Variants in HAPSTR2 observed in about 807,000 individuals in gnomAD.
The protein encoded by HAPSTR2 is HUWE1 associated protein modifying stress responses 2.
chrX:140,092,758 A>G, the HAPSTR2 span, among the ~76,000 whole-genome samples: 1 of 111,851 alleles, frequency 8.9e-6, no homozygotes, highest in Non-Finnish European at 1.9e-5. Flanking sequence ...TCCAAAAAAT[A>G]TAATCCTAGC....
At chrX:140,091,699 C>A in the HAPSTR2 span, 22 of 718,597 alleles carry the variant, frequency 3.1e-5, no homozygotes, top group East Asian at 1.3e-3. Context: ...GCGGCGGCGG[C>A]GGAGGAGGAG....
At chrX:140,092,598 T>G in the HAPSTR2 span, 2 of 747,606 alleles carry the variant, frequency 2.7e-6, no homozygotes, top group Admixed American at 8.9e-5. Context: ...CCATATTGCT[T>G]GAGAGTGAAC....
chrX:140,092,192 C>G, the HAPSTR2 span: 4 of 757,329 alleles, frequency 5.3e-6, no homozygotes, highest in Non-Finnish European at 6.2e-6. Flanking sequence ...AAGTGCCCCC[C>G]GCTCCTCCTC....
chrX:140,092,223 C>A, the HAPSTR2 span: 8 of 753,556 alleles, frequency 1.1e-5, no homozygotes, highest in Non-Finnish European at 1.3e-5. Context: ...TCCTAGGACA[C>A]CCCCGAAGCC....
the HAPSTR2 span, chrX:140,092,612 A>T: frequency 2.7e-6 from 2 of 728,855 alleles, no homozygotes; most frequent in East Asian, 3.1e-4. Flanking sequence ...AGTGAACTCA[A>T]CCGTCGACAT....
chrX:140,092,572 C>T, the HAPSTR2 span: 2 of 751,171 alleles, frequency 2.7e-6, no homozygotes, highest in African/African-American at 4.7e-5. Context: ...TAAACTGCCT[C>T]ATTGGTTGCC....
the HAPSTR2 span, chrX:140,091,757 GA>G: frequency 1.1e-6 from 1 of 925,019 alleles, no homozygotes; most frequent in Non-Finnish European, 1.4e-6. Flanking sequence ...AGGAGCAGCA[GA>G]AGGAGGGCGA....
the HAPSTR2 span, chrX:140,091,889 C>G: frequency 2.1e-6 from 2 of 932,378 alleles, no homozygotes; most frequent in Non-Finnish European, 2.7e-6. Context: ...TGGCAGGGCT[C>G]AAGAGCGAGA....
the HAPSTR2 span, chrX:140,092,506 C>G: frequency 1.3e-6 from 1 of 754,122 alleles, no homozygotes; most frequent in Non-Finnish European, 1.6e-6. Context: ...CGCACCTCGG[C>G]CCAATGCAGT....
chrX:140,092,706 C>T, the HAPSTR2 span: 1 of 389,220 alleles, frequency 2.6e-6, no homozygotes. Flanking sequence ...CATAAAGAAA[C>T]TTTAAAAGTA....
chrX:140,092,659 C>T, the HAPSTR2 span: 8 of 603,779 alleles, frequency 1.3e-5, no homozygotes, highest in Non-Finnish European at 1.6e-5. Context: ...TTTTTCTTCC[C>T]TTCTCTAAGT....
chrX:140,091,782 G>T, the HAPSTR2 span: 1 of 957,061 alleles, frequency 1.0e-6, no homozygotes, highest in Non-Finnish European at 1.3e-6. Context: ...CGAGGTCGCG[G>T]AGCACTGGTT....
the HAPSTR2 span, chrX:140,092,602 A>C: frequency 4.0e-6 from 3 of 746,259 alleles, no homozygotes; most frequent in Non-Finnish European, 4.7e-6. Context: ...ATTGCTTGAG[A>C]GTGAACTCAA....
the HAPSTR2 span, chrX:140,092,010 G>GCGGCCATGGCCGTGAC: frequency 1.2e-6 from 1 of 824,525 alleles, no homozygotes; most frequent in Non-Finnish European, 1.5e-6. Context: ...CTTCCAGAAT[G>GCGGCCATGGCCGTGAC]CGGCCATGGC....
chrX:140,092,365 C>T, the HAPSTR2 span: 13 of 754,116 alleles, frequency 1.7e-5, no homozygotes, highest in Non-Finnish European at 2.0e-5. Flanking sequence ...AGCATGCGAT[C>T]GGGCGACTCG....
At chrX:140,092,491 G>A in the HAPSTR2 span, 4 of 751,763 alleles carry the variant, frequency 5.3e-6, no homozygotes, top group African/African-American at 4.7e-5. Context: ...GGGGGGATCC[G>A]CAAGCGCACC....
the HAPSTR2 span, chrX:140,092,299 A>T: frequency 4.0e-6 from 3 of 754,476 alleles, no homozygotes; most frequent in Non-Finnish European, 4.7e-6. Flanking sequence ...GTCGACCTGC[A>T]GCCCTTCCAG....
At chrX:140,092,398 G>T in the HAPSTR2 span, 2 of 752,312 alleles carry the variant, frequency 2.7e-6, no homozygotes, top group Non-Finnish European at 3.1e-6. Flanking sequence ...GGTGTCGCCA[G>T]CAGTGGGCGC....
At chrX:140,092,283 G>T in the HAPSTR2 span, 1 of 754,801 alleles carries the variant, frequency 1.3e-6, no homozygotes, top group Non-Finnish European at 1.6e-6. Flanking sequence ...CAGCTCATCG[G>T]TGGACGTCGA....
Sources: gnomAD v4.1 joint callset for allele counts (sites outside exome capture counted in the v4.1 genomes callset) on GRCh38, gnomAD v4.1.1 for gene constraint, MANE v1.5 for transcripts, NCBI Gene and HGNC (gene_info 2026-07-23, HGNC 2026-07-21) for gene names.